The following MGAT4C variants were observed in gnomAD, a reference collection of about 807,000 sequenced individuals.
The protein encoded by MGAT4C is alpha-1,3-mannosyl-glycoprotein 4-beta-N-acetylglucosaminyltransferase C.
MGAT4C carries 19 observed loss-of-function variants against 40.1 expected under a neutral mutation model. The observed-to-expected ratio is 0.47, with a 90% CI of 0.33 to 0.70. The LOEUF is 0.70. Ranked by LOEUF, MGAT4C falls within the 30% of genes least tolerant of loss-of-function variation. MGAT4C has a pLI of 0.02. For synonymous variants in MGAT4C, 181 were observed against 187.1 expected (o/e 0.97, Z 0.27); for missense variants, 491 against 563.2 (o/e 0.87, Z 1.30).
intron 2 of MGAT4C, among the ~76,000 whole-genome samples, chr12:86,458,101 A>C (rs1476292494): frequency 6.6e-6 from 1 of 152,182 alleles, no homozygotes. Context: ...TAAATCTCTG[A>C]ATCAACTATT....
At chr12:86,548,180 A>G (rs1425710528) in intron 2 of MGAT4C, among the ~76,000 whole-genome samples, 5 of 152,134 alleles carry the variant, frequency 3.3e-5, no homozygotes, top group Non-Finnish European at 5.9e-5. Context: ...TTGTATACTC[A>G]GGATCAATAG....
Position 86,635,333 on chromosome 12 carries a change from T to A in MGAT4C, c.-229+91876A>T, listed in dbSNP as rs142906605. On this transcript the variant is annotated intron_variant, in intron 2 of 7. Coordinates refer to the MGAT4C transcript ENST00000548651. ...AAGTTAATTAAACCTGTGACCATTC[T>A]CAAACAAGTGAGGGCATAAATTCCA... 4.3e-3 allele frequency among the ~76,000 whole-genome samples: 660 copies of A among 152,206 alleles called. 6 individuals are homozygous for A. The highest frequency in any genetic ancestry group is 0.015 in the African/African-American group (620 of 41,550).
chr12:86,173,078 G>A (rs965765618), intron 1 of MGAT4C, among the ~76,000 whole-genome samples: 4 of 152,058 alleles, frequency 2.6e-5, no homozygotes, highest in Non-Finnish European at 5.9e-5. Context: ...TTAACGTTCT[G>A]CAAGAGACTT....
At chr12:85,996,998 A>C (rs1244911103) in intron 2 of MGAT4C, among the ~76,000 whole-genome samples, 2 of 152,198 alleles carry the variant, frequency 1.3e-5, no homozygotes, top group Non-Finnish European at 2.9e-5. Flanking sequence ...AGCAGTGTAT[A>C]AATCTGTTTT....
At chr12:86,214,388 CCTATAGA>C (rs528140981) in intron 1 of MGAT4C, among the ~76,000 whole-genome samples, 26 of 152,174 alleles carry the variant, frequency 1.7e-4, no homozygotes, top group African/African-American at 4.8e-5. Flanking sequence ...CTGATTTTTA[CCTATAGA>C]CTATAAATAC....
chr12:86,356,465 T>C (rs541327037), intron 3 of MGAT4C, among the ~76,000 whole-genome samples: 62 of 152,262 alleles, frequency 4.1e-4, no homozygotes, highest in Admixed American at 7.2e-4. Flanking sequence ...TTCATCTCAC[T>C]GGGGCTTGTT....
intron 2 of MGAT4C, among the ~76,000 whole-genome samples, chr12:86,567,260 C>G (rs1183004848): frequency 6.6e-6 from 1 of 152,100 alleles, no homozygotes; most frequent in African/African-American, 2.4e-5. Context: ...TTTCCTGTTC[C>G]TGTGACATTA....
chr12:86,074,231 A>G (rs1021572761), intron 1 of MGAT4C, among the ~76,000 whole-genome samples: 1 of 152,052 alleles, frequency 6.6e-6, no homozygotes, highest in East Asian at 1.9e-4. Flanking sequence ...TGTAAGTCCA[A>G]TTAAATCTCT....
In MGAT4C at chr12:86,502,700, G is replaced by A. The variant is rs904668918; in HGVS notation, c.-228-67435C>T. Among the ~76,000 whole-genome samples, 81 of 142,422 alleles carry A rather than the reference G, an allele frequency of 5.7e-4. 3 individuals carry two copies. The highest frequency in any genetic ancestry group is 2.3e-4 in the East Asian group (1 of 4,390). 93.4% of individuals were successfully genotyped at this position (142,422 alleles called of 152,430 possible). A position where few individuals can be genotyped will look rare whatever the true frequency, so the allele number is the denominator to read the frequency against. On this transcript the variant is annotated intron_variant, in intron 2 of 7. Transcript: ENST00000548651. ...ACGAGTTCTGCTCATATATATACAC[G>A]AGATCTGCTCATATATATATACACG...
chr12:86,204,062 A>T (rs1381377730), intron 1 of MGAT4C, among the ~76,000 whole-genome samples: 1 of 151,458 alleles, frequency 6.6e-6, no homozygotes, highest in South Asian at 2.1e-4. Flanking sequence ...AGATAAATTT[A>T]CTTCAAAGAG....
At chr12:86,363,159 T>C (rs1024390436) in intron 3 of MGAT4C, among the ~76,000 whole-genome samples, 9 of 152,054 alleles carry the variant, frequency 5.9e-5, no homozygotes, top group African/African-American at 1.9e-4. Context: ...TATAATATAT[T>C]ATCAATATTA....
intron 2 of MGAT4C, among the ~76,000 whole-genome samples, chr12:86,690,281 C>T (rs989185343): frequency 3.9e-5 from 6 of 152,150 alleles, no homozygotes; most frequent in African/African-American, 1.4e-4. Context: ...TAAGCAAGAC[C>T]ACTTGGCTCC....
intron 4 of MGAT4C, among the ~76,000 whole-genome samples, chr12:86,292,183 G>A (rs1470784456): frequency 6.6e-6 from 1 of 152,066 alleles, no homozygotes. Context: ...GATGTTTGGT[G>A]GTGGTGGTGG....
At chr12:86,743,236 C>T (rs2136132748) in intron 1 of MGAT4C, among the ~76,000 whole-genome samples, 1 of 148,420 alleles carries the variant, frequency 6.7e-6, no homozygotes, top group Middle Eastern at 3.4e-3. Flanking sequence ...ATAAGCATTT[C>T]TTCACAAAGA....
At chr12:86,475,059 C>G (rs1417363013) in intron 2 of MGAT4C, among the ~76,000 whole-genome samples, 2 of 151,916 alleles carry the variant, frequency 1.3e-5, no homozygotes, top group Non-Finnish European at 2.9e-5. Flanking sequence ...ACTCATATAA[C>G]AGAGATAGTA....
rs1164488888 is a variant in MGAT4C at position 85,976,062 on chromosome 12, C to T, written c.*3227G>A. 2 of 150,994 alleles carry T rather than the reference C, an allele frequency of 1.3e-5. No homozygotes were observed. The highest frequency in any genetic ancestry group is 4.8e-5 in the African/African-American group (2 of 41,316). 9.4% of individuals were successfully genotyped at this position (150,994 alleles called of 1,614,324 possible). On this transcript the variant is annotated 3_prime_UTR_variant, in exon 5 of 5. Transcript: ENST00000611864. ...AAAAATGTAGGTACTTTCCATACCA[C>T]ATCATATATTACAATTTGAAAATGT...
At chr12:86,049,543 T>C (rs1892706399) in intron 2 of MGAT4C, 131 bp downstream of exon 2, 1 of 254,806 alleles carries the variant, frequency 3.9e-6, no homozygotes, top group Non-Finnish European at 6.2e-6. Flanking sequence ...AACATAAAAC[T>C]GATGAGAAAA....
Position 86,168,214 on chromosome 12 carries a change from G to A in MGAT4C, c.-57+88025C>T, listed in dbSNP as rs767486624. 3.9e-5 allele frequency among the ~76,000 whole-genome samples: 6 copies of A among 152,064 alleles called. No homozygotes were observed. The East Asian group carries it at 5.8e-4, about 15-fold the overall frequency. On this transcript the variant is annotated intron_variant, in intron 1 of 4. Coordinates refer to ENST00000611864, the MANE Select transcript of MGAT4C (RefSeq NM_001351288.2). ...GTATAAATTGTCTCTTTTCATGTGC[G>A]CATATAGCACAAGTCAAATTAACTC...
intron 2 of MGAT4C, among the ~76,000 whole-genome samples, chr12:86,724,982 T>C (rs941572392): frequency 6.6e-6 from 1 of 152,228 alleles, no homozygotes. Context: ...ATAAGTTCTT[T>C]GAAACATCAT....
Sources: allele counts gnomAD v4.1 joint callset (sites outside exome capture counted in the v4.1 genomes callset), GRCh38; gene constraint gnomAD v4.1.1; transcripts MANE v1.5; gene names NCBI Gene and HGNC (gene_info 2026-07-23, HGNC 2026-07-21).